LRRC37A2: variants seen among roughly 807,000 people sequenced by gnomAD.
The protein encoded by LRRC37A2 is leucine rich repeat containing 37 member A2.
In LRRC37A2, 9 loss-of-function variants were observed where a neutral mutation model predicts 68.8. The ratio of observed to expected loss-of-function variants is 0.13; its 90% CI spans 0.08 to 0.23. The LOEUF is 0.23. Ranked by LOEUF, LRRC37A2 falls within the 10% of genes least tolerant of loss-of-function variation. The pLI is 1.00. For synonymous variants in LRRC37A2, 63 were observed against 367.6 expected (o/e 0.17, Z 9.48); for missense variants, 168 against 950.4 (o/e 0.18, Z 10.82).
At chr17:46,763,843 A>ACAAAC in the LRRC37A2 span, 1 of 149,322 alleles carries the variant, frequency 6.7e-6, no homozygotes. Flanking sequence ...AAAAAAAAAA[A>ACAAAC]AAACAAAAAA....
At chr17:46,804,049 G>T in the LRRC37A2 span, among the ~76,000 whole-genome samples, 2 of 151,834 alleles carry the variant, frequency 1.3e-5, no homozygotes, top group African/African-American at 4.8e-5. Flanking sequence ...TTGCATATTT[G>T]TCTTCTCCTT....
chr17:46,768,542 G>A, the LRRC37A2 span: 37 of 1,614,184 alleles, frequency 2.3e-5, no homozygotes, highest in Non-Finnish European at 3.1e-5. This position sits in a 1 kb window ranked among gnomAD's most constrained non-coding sequence, Gnocchi z 5.0. Context: ...GCTCACAAAA[G>A]TTGGGGGAGT....
At chr17:46,827,920 C>T in the LRRC37A2 span, among the ~76,000 whole-genome samples, 1 of 152,128 alleles carries the variant, frequency 6.6e-6, no homozygotes, top group Non-Finnish European at 1.5e-5. Context: ...CACCATTCCC[C>T]TGCCTCAGCC....
At chr17:46,558,961 A>T (rs62073359), downstream of LRRC37A2, 1 of 96,252 alleles carries the variant, frequency 1.0e-5, no homozygotes, top group African/African-American at 4.9e-5. Flanking sequence ...TACAGGTGGG[A>T]GTCCCCGCGC....
the LRRC37A2 span, among the ~76,000 whole-genome samples, chr17:46,920,160 G>C: frequency 6.6e-6 from 1 of 152,164 alleles, no homozygotes; most frequent in African/African-American, 2.4e-5. Flanking sequence ...AGAGTGGTTA[G>C]TATATACAAG....
At chr17:46,799,046 C>CAAA in the LRRC37A2 span, among the ~76,000 whole-genome samples, 32 of 93,250 alleles carry the variant, frequency 3.4e-4, no homozygotes, top group African/African-American at 9.7e-4. Flanking sequence ...GACTCCGTCT[C>CAAA]AAAAAAAAAA....
At chr17:47,028,110 A>T in the LRRC37A2 span, among the ~76,000 whole-genome samples, 1 of 152,270 alleles carries the variant, frequency 6.6e-6, no homozygotes, top group Non-Finnish European at 1.5e-5. Flanking sequence ...CCACGTGTGC[A>T]GTGTTAAAGT....
the LRRC37A2 span, among the ~76,000 whole-genome samples, chr17:46,745,220 T>G: frequency 1.3e-5 from 2 of 152,338 alleles, no homozygotes; most frequent in African/African-American, 4.8e-5. Context: ...CCATGCAATG[T>G]ATCACTTTAA....
chr17:46,760,969 A>G, the LRRC37A2 span, among the ~76,000 whole-genome samples: 66 of 152,342 alleles, frequency 4.3e-4, no homozygotes, highest in South Asian at 3.5e-3. Flanking sequence ...ACCTCATTGT[A>G]TATATGCAAA....
At chr17:47,031,131 C>G in the LRRC37A2 span, among the ~76,000 whole-genome samples, 1 of 149,606 alleles carries the variant, frequency 6.7e-6, no homozygotes, top group African/African-American at 2.4e-5. Context: ...TTGACAAATA[C>G]TGACTGGCCA....
At chr17:46,751,455 A>C in the LRRC37A2 span, 1 of 1,289,156 alleles carries the variant, frequency 7.8e-7, no homozygotes, top group East Asian at 2.3e-5. Context: ...ACCAATGTTG[A>C]TGTGTTCACT....
At chr17:46,492,217 G>A in the LRRC37A2 span, among the ~76,000 whole-genome samples, 7 of 151,314 alleles carry the variant, frequency 4.6e-5, no homozygotes, top group South Asian at 6.2e-4. Flanking sequence ...CGCCGGCCTC[G>A]GCCTCCCATG....
the LRRC37A2 span, among the ~76,000 whole-genome samples, chr17:47,013,121 T>A: frequency 2.2e-4 from 33 of 152,346 alleles, no homozygotes; most frequent in African/African-American, 7.9e-4. Context: ...ATGTTTTATG[T>A]AACTCCATGT....
At chr17:46,944,076 G>C in the LRRC37A2 span, among the ~76,000 whole-genome samples, 3 of 152,182 alleles carry the variant, frequency 2.0e-5, no homozygotes, top group African/African-American at 7.2e-5. Flanking sequence ...CTGGAGAGCT[G>C]GCAGAGGCTG....
the LRRC37A2 span, among the ~76,000 whole-genome samples, chr17:46,735,065 C>G: frequency 6.6e-6 from 1 of 152,014 alleles, no homozygotes; most frequent in Admixed American, 6.6e-5. Flanking sequence ...ACAAAACCAA[C>G]AAAAAACAGT....
the LRRC37A2 span, among the ~76,000 whole-genome samples, chr17:46,856,011 C>T: frequency 6.6e-6 from 1 of 152,104 alleles, no homozygotes; most frequent in Non-Finnish European, 1.5e-5. Context: ...TGTAAGTTAT[C>T]CGAGTGGCTT....
At chr17:46,939,994 A>T in the LRRC37A2 span, 24 of 1,010,364 alleles carry the variant, frequency 2.4e-5, no homozygotes, top group African/African-American at 4.0e-4. Context: ...AAAATCCTTC[A>T]GATCTGGAAA....
chr17:46,832,527 C>G, the LRRC37A2 span, among the ~76,000 whole-genome samples: 2 of 151,768 alleles, frequency 1.3e-5, 1 homozygote, highest in African/African-American at 4.8e-5. Context: ...GCTTTAAGCA[C>G]CGAGAGAAAG....
the LRRC37A2 span, chr17:47,017,093 C>T: frequency 2.0e-6 from 3 of 1,528,198 alleles, no homozygotes; most frequent in African/African-American, 1.4e-5. Context: ...ATAAGAGTGC[C>T]CTGGTGACAT....
Sources: gnomAD v4.1 joint callset for allele counts (sites outside exome capture counted in the v4.1 genomes callset) on GRCh38, gnomAD v4.1.1 for gene constraint, Gnocchi (gnomAD v3.1) non-coding constraint, MANE v1.5 for transcripts, NCBI Gene and HGNC (gene_info 2026-07-23, HGNC 2026-07-21) for gene names.